The following ACVR2A variants were observed in gnomAD, a reference collection of about 807,000 sequenced individuals.
The protein encoded by ACVR2A is activin A receptor type 2A.
ACVR2A carries 7 observed loss-of-function variants against 61.4 expected under a neutral mutation model. The observed-to-expected ratio is 0.11, with a 90% CI of 0.06 to 0.21. The LOEUF (loss-of-function observed/expected upper bound fraction) is 0.21. Among genes scored for constraint, ACVR2A ranks in the 10% least tolerant of loss-of-function variants. The pLI is 1.00. For synonymous variants in ACVR2A, 193 were observed against 208.3 expected, an observed-to-expected ratio of 0.93 and a Z score of 0.63; for missense variants, 322 against 621.7, an observed-to-expected ratio of 0.52 and a Z score of 5.13.
At chr2:147,890,003 C>G (rs1686543452) in intron 1 of ACVR2A, among the ~76,000 whole-genome samples, 1 of 151,628 alleles carries the variant, frequency 6.6e-6, no homozygotes, top group Non-Finnish European at 1.5e-5. Flanking sequence ...TTGAATCAAT[C>G]TGCTTGATTT....
At position 147,915,301 on chromosome 2, in the gene ACVR2A, C is replaced by T. The variant is rs749269283; in HGVS notation, c.639C>T (p.Asn213=). ...FGCVWKAQLL[N]EYVAVKIFPI... Reference sequence around the variant, plus strand: ...GTGTCTGGAAAGCCCAGTTGCTTAACGAATATGTGGCTGTCAAAATATTTC... The same window carrying T: ...GTGTCTGGAAAGCCCAGTTGCTTAATGAATATGTGGCTGTCAAAATATTTC... The change falls in exon 5 of 11, where the codon AAC becomes AAT. Residue 213 remains asparagine, a synonymous_variant. Transcript: ENST00000241416. 20 of 1,611,830 alleles carry T rather than the reference C, an allele frequency of 1.2e-5. No individual in the cohort carries two copies. Among genetic ancestry groups the T allele is most frequent in the South Asian group, 9.9e-5 (9 of 91,010 alleles).
At chr2:147,878,346 C>G (rs1381608564) in intron 1 of ACVR2A, among the ~76,000 whole-genome samples, 4 of 152,042 alleles carry the variant, frequency 2.6e-5, no homozygotes, top group Non-Finnish European at 4.4e-5. Context: ...CTTACGTAAG[C>G]CAGTATCGAA....
At chr2:147,911,614 C>G (rs548786848) in intron 4 of ACVR2A, among the ~76,000 whole-genome samples, 33 of 152,094 alleles carry the variant, frequency 2.2e-4, no homozygotes, top group African/African-American at 7.7e-4. Flanking sequence ...TGGATGCATA[C>G]TAAACATTTT....
chr2:147,884,191 A>C (rs1334378460), intron 1 of ACVR2A, among the ~76,000 whole-genome samples: 1 of 152,122 alleles, frequency 6.6e-6, no homozygotes, highest in African/African-American at 2.4e-5. Context: ...CTAGCCTATA[A>C]ATTCTGTTGC....
intron 4 of ACVR2A, among the ~76,000 whole-genome samples, chr2:147,901,823 C>G (rs1686877133): frequency 6.6e-6 from 1 of 152,020 alleles, no homozygotes; most frequent in Non-Finnish European, 1.5e-5. Flanking sequence ...TGGAACTTCA[C>G]TTTTGTCATC....
At chr2:147,849,744 G>T (rs1370959004) in intron 1 of ACVR2A, among the ~76,000 whole-genome samples, 1 of 152,122 alleles carries the variant, frequency 6.6e-6, no homozygotes, top group African/African-American at 2.4e-5. Flanking sequence ...CACAAATGGT[G>T]TCCAAATGAG....
At position 147,907,021 on chromosome 2, in the gene ACVR2A, C is replaced by T. The variant is rs11686483; in HGVS notation, c.528+7123C>T. Among the ~76,000 whole-genome samples the T allele has an allele frequency of 3.3e-5, 5 of 151,564 alleles. No individual in the cohort carries two copies. The East Asian group carries it at 9.7e-4, about 29-fold the overall frequency. ...CTGCCCCTTGACAGGCCCCAGTGTA[C>T]GTTGTTCACCTCCCTGTGTCCATGT... On this transcript the variant is annotated intron_variant, in intron 4 of 10. Transcript: ENST00000241416.
At chr2:147,846,661 C>G (rs951734868) in intron 1 of ACVR2A, among the ~76,000 whole-genome samples, 3 of 152,004 alleles carry the variant, frequency 2.0e-5, no homozygotes, top group African/African-American at 7.3e-5. Flanking sequence ...TTTTTGTGCA[C>G]GGTTTGGGAA....
chr2:147,909,815 A>T (rs190121877), intron 4 of ACVR2A, among the ~76,000 whole-genome samples: 520 of 151,836 alleles, frequency 3.4e-3, no homozygotes, highest in East Asian at 8.4e-3. Flanking sequence ...TTTTTAAAAA[A>T]TTTTTTTGTA....
At chr2:147,881,858 T>A (rs933084441) in intron 1 of ACVR2A, among the ~76,000 whole-genome samples, 1 of 152,152 alleles carries the variant, frequency 6.6e-6, no homozygotes, top group African/African-American at 2.4e-5. Context: ...GAGTATCTTC[T>A]GTATTTAGAG....
chr2:147,845,777 T>C (rs901632389), intron 1 of ACVR2A, among the ~76,000 whole-genome samples: 2 of 152,198 alleles, frequency 1.3e-5, no homozygotes, highest in African/African-American at 4.8e-5. Context: ...AAAATAGTTG[T>C]AGTTGTTGTT....
chr2:147,877,514 G>A (rs1342495114), intron 1 of ACVR2A: 1 of 152,106 alleles, frequency 6.6e-6, no homozygotes, highest in African/African-American at 2.4e-5. Context: ...AATTCATGAA[G>A]AACATAAGCA....
intron 1 of ACVR2A, among the ~76,000 whole-genome samples, chr2:147,889,266 TTTTTCTTTTTGGG>T (rs1686519126): frequency 6.6e-6 from 1 of 152,158 alleles, no homozygotes; most frequent in East Asian, 1.9e-4. Flanking sequence ...CCGGTCTGTG[TTTTTCTTTTTGGG>T]CTTTGTTTTT....
intron 4 of ACVR2A, chr2:147,902,811 A>G (rs1321436158): frequency 6.6e-6 from 1 of 151,994 alleles, no homozygotes; most frequent in Non-Finnish European, 1.5e-5. Context: ...ATTTCACCCC[A>G]TATTCACGTC....
chr2:147,925,436 C>T (rs1687479474), intron 9 of ACVR2A, among the ~76,000 whole-genome samples: 1 of 151,916 alleles, frequency 6.6e-6, no homozygotes, highest in Non-Finnish European at 1.5e-5. Flanking sequence ...TCTATGAAGG[C>T]ACATCCTGAC....
chr2:147,911,424 T>TA (rs1345885185), intron 4 of ACVR2A, among the ~76,000 whole-genome samples: 1 of 152,116 alleles, frequency 6.6e-6, no homozygotes, highest in Non-Finnish European at 1.5e-5. Flanking sequence ...TGCCAACTTT[T>TA]AAAATACTAA....
chr2:147,908,241 AAAT>A (rs1687035890), intron 4 of ACVR2A, among the ~76,000 whole-genome samples: 1 of 152,180 alleles, frequency 6.6e-6, no homozygotes, highest in African/African-American at 2.4e-5. Context: ...ACAGATATGA[AAAT>A]AAATCAAAAT....
chr2:147,864,011 T>G (rs138134363), intron 1 of ACVR2A, among the ~76,000 whole-genome samples: 81 of 152,316 alleles, frequency 5.3e-4, no homozygotes, highest in Non-Finnish European at 1.0e-3. Flanking sequence ...TGCTTTTGAC[T>G]CATATTTAGA....
intron 1 of ACVR2A, among the ~76,000 whole-genome samples, chr2:147,859,695 T>C (rs972319775): frequency 6.6e-6 from 1 of 152,082 alleles, no homozygotes; most frequent in African/African-American, 2.4e-5. Flanking sequence ...TGTTTGTTTT[T>C]GTTTTTTTCC....
Sources: gnomAD v4.1 joint callset for allele counts (sites outside exome capture counted in the v4.1 genomes callset) on GRCh38, gnomAD v4.1.1 for gene constraint, MANE v1.5 for transcripts, NCBI Gene and HGNC (gene_info 2026-07-23, HGNC 2026-07-21) for gene names.